OCIAD2: variants seen among roughly 807,000 people sequenced by gnomAD.
OCIAD2 encodes the protein OCIA domain containing 2.
Under a neutral mutation model 22.9 loss-of-function variants are expected in OCIAD2, and 29 were observed. The ratio of observed to expected loss-of-function variants is 1.27; its 90% CI spans 0.94 to 1.73. The LOEUF (loss-of-function observed/expected upper bound fraction) is 1.73. Among genes scored for constraint, OCIAD2 ranks in the 40% most tolerant of loss-of-function variants. OCIAD2 has a pLI of 0.00. For missense variants in OCIAD2, 189 were observed against 180.3 expected, an observed-to-expected ratio of 1.05 and a Z score of -0.28; for synonymous variants, 67 against 60.2, an observed-to-expected ratio of 1.11 and a Z score of -0.52.
At chr4:48,903,418 T>C (rs1781460170) in intron 2 of OCIAD2, among the ~76,000 whole-genome samples, 2 of 151,972 alleles carry the variant, frequency 1.3e-5, no homozygotes. Flanking sequence ...GGGAGGATCA[T>C]TTGAGCTCAG....
At chr4:48,905,758 A>G (rs1332747736) in intron 1 of OCIAD2, among the ~76,000 whole-genome samples, 1 of 152,214 alleles carries the variant, frequency 6.6e-6, no homozygotes, top group East Asian at 1.9e-4. Flanking sequence ...GTTTCATCAC[A>G]GGTGTCTAAT....
intron 2 of OCIAD2, among the ~76,000 whole-genome samples, chr4:48,902,332 C>T (rs908827766): frequency 3.9e-5 from 6 of 152,190 alleles, no homozygotes; most frequent in Non-Finnish European, 7.3e-5. Flanking sequence ...GGGCCTGGTC[C>T]TGTGCCAAGC....
intron 6 of OCIAD2, among the ~76,000 whole-genome samples, chr4:48,890,816 G>C (rs577283764): frequency 3.9e-5 from 6 of 152,162 alleles, no homozygotes; most frequent in African/African-American, 1.4e-4. Context: ...AATCTGGCTT[G>C]GGTGGGAAGG....
intron 4 of OCIAD2, 48 bp from the exon 5 acceptor site, chr4:48,894,101 A>G (rs373012951): frequency 2.3e-5 from 22 of 964,464 alleles, no homozygotes; most frequent in Admixed American, 3.0e-5. Context: ...CATAAATTAA[A>G]TTATAAGTTA....
chr4:48,892,930 C>A, intron 5 of OCIAD2, 41 bp from the exon 6 acceptor site: 2 of 991,270 alleles, frequency 2.0e-6, no homozygotes, highest in Admixed American at 2.3e-5. Flanking sequence ...AGAATCTTCT[C>A]CATTAGTTAT....
intron 6 of OCIAD2, 88 bp downstream of exon 6, chr4:48,892,684 A>G (rs577632079): frequency 1.6e-6 from 1 of 644,176 alleles, no homozygotes; most frequent in South Asian, 3.8e-5. Context: ...AATTTAAAAA[A>G]TTGTGTTTAA....
At chr4:48,892,043 G>C (rs1411736566) in intron 6 of OCIAD2, among the ~76,000 whole-genome samples, 2 of 152,186 alleles carry the variant, frequency 1.3e-5, no homozygotes, top group Admixed American at 1.3e-4. Flanking sequence ...TTGACTTCTA[G>C]TCCAGTTTGT....
chr4:48,903,513 A>G (rs1781462243), intron 2 of OCIAD2, among the ~76,000 whole-genome samples: 1 of 151,948 alleles, frequency 6.6e-6, no homozygotes, highest in South Asian at 2.1e-4. Context: ...AATAAGCAAC[A>G]TGTATCACTC....
intron 6 of OCIAD2, among the ~76,000 whole-genome samples, chr4:48,890,472 T>C (rs1209588682): frequency 6.6e-6 from 1 of 152,130 alleles, no homozygotes; most frequent in Non-Finnish European, 1.5e-5. Context: ...GATTAAACTA[T>C]ATGACTATGG....
At chr4:48,892,201 C>A (rs1370182287) in intron 6 of OCIAD2, among the ~76,000 whole-genome samples, 3 of 152,220 alleles carry the variant, frequency 2.0e-5, no homozygotes, top group Non-Finnish European at 4.4e-5. Flanking sequence ...CATGAATAAT[C>A]ATTTCTATTC....
intron 4 of OCIAD2, among the ~76,000 whole-genome samples, chr4:48,896,723 C>T (rs1219235771): frequency 1.3e-5 from 2 of 151,918 alleles, no homozygotes; most frequent in East Asian, 3.9e-4. Flanking sequence ...TGCTTGAGCC[C>T]AACAGTTTGA....
chr4:48,897,849 A>G lies in OCIAD2; in HGVS notation c.172T>C (p.Phe58Leu). 6.2e-7 allele frequency: 1 copy of G among 1,612,764 alleles called. No individual in the cohort carries two copies. Among genetic ancestry groups the G allele is most frequent in the Non-Finnish European group, 8.5e-7 (1 of 1,178,904 alleles). ...EESFWKRALPFSLVSMLVTQG... is the reference protein window; with the variant it reads ...EESFWKRALPLSLVSMLVTQG... ...GTGACAAGCATGCTTACAAGAGAAA[A>G]AGGCAGAGCTGTAAAGCAAAAATGT... The change falls in exon 4 of 7, where the codon TTT (phenylalanine) becomes CTT (leucine). Residue 58 changes from phenylalanine to leucine, a missense_variant. Transcript: ENST00000508632.
chr4:48,899,754 CG>C (rs1781375872), intron 3 of OCIAD2, 74 bp downstream of exon 3: 3 of 1,000,334 alleles, frequency 3.0e-6, no homozygotes, highest in Non-Finnish European at 4.6e-6. Flanking sequence ...TCTGCTCAAA[CG>C]TAAGTCATTA....
At position 48,885,242 on chromosome 4, in the gene OCIAD2, G is replaced by T; in HGVS notation, c.*242C>A. The T allele has an allele frequency of 2.6e-6, 1 of 391,742 alleles. No individual in the cohort carries two copies. The highest frequency in any genetic ancestry group is 4.6e-6 in the Non-Finnish European group (1 of 217,994). 24.3% of individuals were successfully genotyped at this position (391,742 alleles called of 1,614,324 possible). ...GACCTCAAATGATCTGCCTGCCTCGGCCTCCCAAAGTACTGGGATTACAGG... is the reference window on the plus strand; with the variant it reads ...GACCTCAAATGATCTGCCTGCCTCGTCCTCCCAAAGTACTGGGATTACAGG... On this transcript the variant is annotated 3_prime_UTR_variant, in exon 7 of 7. Transcript: ENST00000508632.
intron 2 of OCIAD2, among the ~76,000 whole-genome samples, chr4:48,902,734 C>A (rs982999027): frequency 7.2e-5 from 11 of 152,228 alleles, no homozygotes; most frequent in Admixed American, 7.2e-4. Context: ...GGGCAGATCA[C>A]TTGAGGTCAG....
intron 4 of OCIAD2, among the ~76,000 whole-genome samples, chr4:48,895,089 C>T (rs1363149210): frequency 1.3e-5 from 2 of 152,056 alleles, no homozygotes; most frequent in Admixed American, 1.3e-4. Context: ...AAGGGGCCAC[C>T]GGTTAAGAAA....
intron 2 of OCIAD2, among the ~76,000 whole-genome samples, chr4:48,901,336 GGT>G (rs1306569703): frequency 1.3e-5 from 2 of 151,862 alleles, no homozygotes; most frequent in East Asian, 3.9e-4. Context: ...TAAAGCTCAG[GGT>G]GTGCATATTC....
chr4:48,889,869 A>T lies in OCIAD2; in HGVS notation c.383+2903T>A, dbSNP rs1349888857. Among the ~76,000 whole-genome samples the T allele has an allele frequency of 2.0e-5, 3 of 152,222 alleles. No homozygotes were observed. In the East Asian group the frequency reaches 5.8e-4, roughly 29 times the overall value. On this transcript the variant is annotated intron_variant, in intron 6 of 6. Coordinates refer to ENST00000508632, the MANE Select transcript of OCIAD2 (RefSeq NM_001014446.3). Reference sequence around the variant, plus strand: ...TTGGAACCAACCCAAATGTCCAACAATGATAGACTGGATTAAGAAAATGTG... The same window carrying T: ...TTGGAACCAACCCAAATGTCCAACATTGATAGACTGGATTAAGAAAATGTG...
rs558059267 is a variant in OCIAD2 at position 48,888,523 on chromosome 4, T to G, written c.384-2958A>C. Among the ~76,000 whole-genome samples, 222 of 152,292 alleles carry G rather than the reference T, an allele frequency of 1.5e-3. 1 individual carries two copies. Among genetic ancestry groups the G allele is most frequent in the Non-Finnish European group, 2.7e-3 (185 of 68,024 alleles). On this transcript the variant is annotated intron_variant, in intron 6 of 6. Transcript: ENST00000508632. Reference sequence around the variant, plus strand: ...GAGATACATCCCATCAATACCTAATTTATTGAGAGTTTTTAGCATGAAGGG... The same window carrying G: ...GAGATACATCCCATCAATACCTAATGTATTGAGAGTTTTTAGCATGAAGGG...
Sources: allele counts gnomAD v4.1 joint callset (sites outside exome capture counted in the v4.1 genomes callset), GRCh38; gene constraint gnomAD v4.1.1; transcripts MANE v1.5; gene names NCBI Gene and HGNC (gene_info 2026-07-23, HGNC 2026-07-21).